PIK3CB: variants seen among roughly 807,000 people sequenced by gnomAD.
PIK3CB encodes the protein phosphatidylinositol 4,5-bisphosphate 3-kinase catalytic subunit beta isoform.
Under a neutral mutation model 136.8 loss-of-function variants are expected in PIK3CB, and 39 were observed. The observed-to-expected ratio is 0.29, with a 90% CI of 0.22 to 0.37. The LOEUF (loss-of-function observed/expected upper bound fraction) is 0.37. PIK3CB is among the 10% of genes least tolerant of loss of function. The pLI is 1.00. For missense variants in PIK3CB, 868 were observed against 1,275.4 expected (o/e 0.68, Z 4.87); for synonymous variants, 428 against 436.6 (o/e 0.98, Z 0.25).
At chr3:138,728,548 C>T (rs1340974085) in intron 8 of PIK3CB, among the ~76,000 whole-genome samples, 5 of 151,872 alleles carry the variant, frequency 3.3e-5, no homozygotes, top group East Asian at 1.9e-4. Flanking sequence ...GAGGCCGAGG[C>T]GGGTGGATCA....
At chr3:138,723,078 A>G (rs1324489465) in intron 8 of PIK3CB, among the ~76,000 whole-genome samples, 2 of 151,606 alleles carry the variant, frequency 1.3e-5, no homozygotes, top group African/African-American at 4.8e-5. Context: ...AGAATCTCCC[A>G]ATAAAAAGAA....
rs144115778 is a variant in PIK3CB, at chr3:138,664,455, GAAGT to G, written c.2673-430_2673-427del. On this transcript the variant is annotated intron_variant, in intron 20 of 23. Coordinates refer to ENST00000674063, the MANE Select transcript of PIK3CB (RefSeq NM_006219.3). Reference sequence around the variant, plus strand: ...ACATTTAAGTCACTGATTTCAATTAGAAGTAAGTAATAGAGATTCCCTGGAGACA... The same window carrying G: ...ACATTTAAGTCACTGATTTCAATTAGAAGTAATAGAGATTCCCTGGAGACA... Among the ~76,000 whole-genome samples the G allele has an allele frequency of 9.6e-3, 1,465 of 152,182 alleles. 27 individuals are homozygous for G. Among genetic ancestry groups the G allele is most frequent in the African/African-American group, 0.034 (1,407 of 41,518 alleles).
At chr3:138,784,498 TACC>T (rs2108796783) in intron 2 of PIK3CB, among the ~76,000 whole-genome samples, 1 of 152,204 alleles carries the variant, frequency 6.6e-6, no homozygotes, top group African/African-American at 2.4e-5. Flanking sequence ...TGGACTGTAC[TACC>T]ACCATCTCGG....
intron 2 of PIK3CB, among the ~76,000 whole-genome samples, chr3:138,787,997 A>G (rs1313073622): frequency 6.7e-6 from 1 of 149,038 alleles, no homozygotes; most frequent in Non-Finnish European, 1.5e-5. Context: ...ACCTCGGTTC[A>G]GTACAACTTC....
At chr3:138,665,949 T>C (rs2043401225) in intron 19 of PIK3CB, among the ~76,000 whole-genome samples, 1 of 152,244 alleles carries the variant, frequency 6.6e-6, no homozygotes, top group Middle Eastern at 3.4e-3. Flanking sequence ...CCCAATTAGA[T>C]TGCAAACTCC....
At chr3:138,751,501 G>A (rs2045471924) in intron 4 of PIK3CB, among the ~76,000 whole-genome samples, 1 of 151,574 alleles carries the variant, frequency 6.6e-6, no homozygotes, top group South Asian at 2.1e-4. Flanking sequence ...AACACTTTAA[G>A]CTAAGTAATT....
chr3:138,723,275 G>A (rs1380327899), intron 8 of PIK3CB, among the ~76,000 whole-genome samples: 5 of 152,070 alleles, frequency 3.3e-5, no homozygotes, highest in African/African-American at 4.8e-5. Context: ...TTAAAACCTG[G>A]CACAGTGGCT....
chr3:138,736,087 C>G (rs1225715549), intron 6 of PIK3CB, among the ~76,000 whole-genome samples: 1 of 152,088 alleles, frequency 6.6e-6, no homozygotes, highest in Non-Finnish European at 1.5e-5. Context: ...CTTTACACCT[C>G]TTAAGGTAAA....
chr3:138,655,189 G>A lies in PIK3CB; in HGVS notation c.*200C>T. On this transcript the variant is annotated 3_prime_UTR_variant, in exon 24 of 24. Coordinates refer to ENST00000674063, the MANE Select transcript of PIK3CB (RefSeq NM_006219.3). ...ATTGACAGTTTTCATGATAAGTCTT[G>A]GAAGCATTCAAAAAGCAGAGGGAAT... is the stretch of plus-strand genomic sequence containing the variant. The A allele has an allele frequency of 6.9e-6, 4 of 580,164 alleles. No individual in the cohort carries two copies. The highest frequency in any genetic ancestry group is 9.1e-6 in the Non-Finnish European group (3 of 328,144). The allele number at this position is 580,164 out of a possible 1,614,324, so 35.9% of individuals were successfully genotyped here.
chr3:138,705,684 T>C (rs1228674919), intron 11 of PIK3CB, among the ~76,000 whole-genome samples: 1 of 152,212 alleles, frequency 6.6e-6, no homozygotes, highest in Non-Finnish European at 1.5e-5. Context: ...AAGTATAATA[T>C]CAATCTTCAA....
At chr3:138,682,327 T>C (rs1422456123) in intron 18 of PIK3CB, among the ~76,000 whole-genome samples, 1 of 152,206 alleles carries the variant, frequency 6.6e-6, no homozygotes, top group Non-Finnish European at 1.5e-5. Flanking sequence ...CCTTCCTTGA[T>C]TATATTCTAC....
At chr3:138,726,623 T>C (rs1049960483) in intron 8 of PIK3CB, among the ~76,000 whole-genome samples, 1 of 152,180 alleles carries the variant, frequency 6.6e-6, no homozygotes, top group African/African-American at 2.4e-5. Flanking sequence ...CTCTGAGAGT[T>C]AGAAGACCCC....
At chr3:138,778,025 G>A in intron 2 of PIK3CB, 1 of 385,638 alleles carries the variant, frequency 2.6e-6, no homozygotes. Context: ...TGGCAAGCTT[G>A]TCATCAATGA....
chr3:138,800,395 G>A (rs2046158532), intron 1 of PIK3CB, among the ~76,000 whole-genome samples: 1 of 151,026 alleles, frequency 6.6e-6, no homozygotes, highest in South Asian at 2.1e-4. Flanking sequence ...TGCAATCATG[G>A]CTCACTGCAG....
At chr3:138,681,047 TTTTTG>T (rs2043766226) in intron 19 of PIK3CB, among the ~76,000 whole-genome samples, 2 of 147,806 alleles carry the variant, frequency 1.4e-5, no homozygotes, top group Admixed American at 6.7e-5. Context: ...GTTAGTTTTT[TTTTTG>T]TTTTTTTTTT....
At chr3:138,824,695 G>GA (rs1016652350) in intron 1 of PIK3CB, among the ~76,000 whole-genome samples, 15 of 150,002 alleles carry the variant, frequency 1.0e-4, no homozygotes, top group African/African-American at 3.2e-4. Context: ...CTCCACTTCG[G>GA]AAAAAAAAGA....
intron 2 of PIK3CB, among the ~76,000 whole-genome samples, chr3:138,789,643 A>G (rs1160461780): frequency 6.6e-6 from 1 of 152,036 alleles, no homozygotes; most frequent in African/African-American, 2.4e-5. Context: ...CAACAGATAC[A>G]TAGACAAAAA....
chr3:138,660,290 T>C (rs902066649), intron 21 of PIK3CB, among the ~76,000 whole-genome samples: 2 of 152,202 alleles, frequency 1.3e-5, no homozygotes, highest in Admixed American at 6.5e-5. Flanking sequence ...ATTTACACTA[T>C]TTCTATTTTA....
At chr3:138,825,805 G>A in intron 1 of PIK3CB, 1 of 964,822 alleles carries the variant, frequency 1.0e-6, no homozygotes, top group Non-Finnish European at 1.6e-6. Context: ...TGTTACAACT[G>A]AAGCAGTCTG....
Sources: allele counts gnomAD v4.1 joint callset (sites outside exome capture counted in the v4.1 genomes callset), GRCh38; gene constraint gnomAD v4.1.1; transcripts MANE v1.5; gene names NCBI Gene and HGNC (gene_info 2026-07-23, HGNC 2026-07-21).